The following PARD3B variants were observed in gnomAD, a reference collection of about 807,000 sequenced individuals.
PARD3B encodes partitioning defective 3 homolog B.
PARD3B carries 103 observed loss-of-function variants against 130.2 expected under a neutral mutation model. That is an observed-to-expected ratio of 0.79 (90% CI 0.67 to 0.93). The LOEUF (loss-of-function observed/expected upper bound fraction) is 0.93. Among genes scored for constraint, PARD3B ranks in the 40% least tolerant of loss-of-function variants. The pLI, the probability that PARD3B is intolerant of heterozygous loss-of-function variation, is 0.00. For synonymous variants in PARD3B, 583 were observed against 553.2 expected (o/e 1.05, Z -0.76); for missense variants, 1,609 against 1,499.2 (o/e 1.07, Z -1.21).
intron 14 of PARD3B, among the ~76,000 whole-genome samples, chr2:205,189,357 T>C (rs2036269715): frequency 6.6e-6 from 1 of 152,232 alleles, no homozygotes; most frequent in Middle Eastern, 3.2e-3. Context: ...ACATTCCTGG[T>C]TTGTCACCAT....
intron 3 of PARD3B, among the ~76,000 whole-genome samples, chr2:204,991,842 T>A (rs1354252382): frequency 1.3e-5 from 2 of 151,646 alleles, no homozygotes; most frequent in Non-Finnish European, 2.9e-5. Flanking sequence ...GATGAGCATT[T>A]TTTCATGCGT....
chr2:205,602,986 G>A (rs185175173), intron 22 of PARD3B, among the ~76,000 whole-genome samples: 76 of 152,082 alleles, frequency 5.0e-4, no homozygotes, highest in Non-Finnish European at 8.7e-4. Context: ...TAGCTTTTTG[G>A]TGTGGGCATT....
intron 16 of PARD3B, among the ~76,000 whole-genome samples, chr2:205,254,835 T>C (rs2040007223): frequency 6.6e-6 from 1 of 151,380 alleles, no homozygotes; most frequent in Admixed American, 6.6e-5. Context: ...CGGCTAATTT[T>C]TTGTATTTTT....
chr2:205,185,893 T>C, intron 14 of PARD3B, 30 bp downstream of exon 14: 1 of 1,554,814 alleles, frequency 6.4e-7, no homozygotes, highest in Non-Finnish European at 8.9e-7. Context: ...TCGTAAATGC[T>C]CCTTGTTATT....
At chr2:205,003,052 G>A (rs963118762) in intron 3 of PARD3B, among the ~76,000 whole-genome samples, 6 of 152,170 alleles carry the variant, frequency 3.9e-5, no homozygotes, top group African/African-American at 1.4e-4. Flanking sequence ...TAGAAGCTCT[G>A]GCAGAGAATC....
rs1002190788 is a variant in PARD3B at position 205,125,620 on chromosome 2, A to C, written c.1317A>C (p.Arg439Ser). The C allele has an allele frequency of 6.2e-7, 1 of 1,613,948 alleles. No homozygotes were observed. Among genetic ancestry groups the C allele is most frequent in the Non-Finnish European group, 8.5e-7 (1 of 1,179,952 alleles). The change falls in exon 10 of 23, where the codon AGA (arginine) becomes AGC (serine). Residue 439 changes from arginine (R) to serine (S), a missense_variant. Coordinates refer to ENST00000406610, the MANE Select transcript of PARD3B (RefSeq NM_001302769.2). This position sits in a 1 kb window ranked among gnomAD's most constrained non-coding sequence, Gnocchi z 4.0. The stretch of plus-strand genomic sequence containing the variant: ...CTTTTATTCATTAGGTAAATGGGAG[A>C]GATGTCACCGGACGAACCCAGGAAG... ...SGDRILEVNGRDVTGRTQEEL... is the reference protein window; with the variant it reads ...SGDRILEVNGSDVTGRTQEEL...
intron 1 of PARD3B, among the ~76,000 whole-genome samples, chr2:204,613,969 C>T (rs1295274663): frequency 1.2e-4 from 18 of 151,946 alleles, no homozygotes; most frequent in Admixed American, 1.1e-3. Flanking sequence ...GTCTGTCCTT[C>T]GTGATTGGTG....
At chr2:204,998,358 A>ATATATATATATATATATATATATG (rs1400529301) in intron 3 of PARD3B, among the ~76,000 whole-genome samples, 1 of 69,830 alleles carries the variant, frequency 1.4e-5, no homozygotes, top group Non-Finnish European at 2.6e-5. Flanking sequence ...ATATATATAT[A>ATATATATATATATATATATATATG]TGTGTGTGTG....
At position 205,091,689 on chromosome 2, in the gene PARD3B, A is replaced by G. The variant is rs976429769; in HGVS notation, c.505-12737A>G. 2.6e-5 allele frequency among the ~76,000 whole-genome samples: 4 copies of G among 152,146 alleles called. No individual in the cohort carries two copies. The highest frequency in any genetic ancestry group is 5.9e-5 in the Non-Finnish European group (4 of 68,022). On this transcript the variant is annotated intron_variant, in intron 4 of 22. Transcript: ENST00000406610. The surrounding 1 kb of genome is among the most constrained non-coding windows in gnomAD (Gnocchi z 4.2). ...ACTTGGAATGGGGGTGAGGTTAGAG[A>G]AAGAATAGCAGTGTGTTTGGGATCT...
intron 2 of PARD3B, among the ~76,000 whole-genome samples, chr2:204,786,200 C>T (rs555836235): frequency 4.0e-5 from 6 of 151,354 alleles, no homozygotes; most frequent in East Asian, 1.9e-4. Flanking sequence ...CATATGAGGA[C>T]GAGGTTATGC....
chr2:205,380,175 A>AAAGAATATATATT (rs2045269103), intron 18 of PARD3B, among the ~76,000 whole-genome samples: 2 of 36,742 alleles, frequency 5.4e-5, no homozygotes, highest in Non-Finnish European at 1.6e-4. Flanking sequence ...TATATTATAT[A>AAAGAATATATATT]ATATGTAAAG....
intron 2 of PARD3B, among the ~76,000 whole-genome samples, chr2:204,702,086 A>G (rs1462497137): frequency 6.6e-6 from 1 of 152,082 alleles, no homozygotes; most frequent in African/African-American, 2.4e-5. Context: ...ATTCTTTTTT[A>G]TGGCTGCGTA....
intron 3 of PARD3B, among the ~76,000 whole-genome samples, chr2:204,986,485 C>T (rs1432028472): frequency 1.3e-5 from 2 of 152,166 alleles, no homozygotes; most frequent in African/African-American, 4.8e-5. Flanking sequence ...CTCTTAAATC[C>T]ACTTTTGTAA....
chr2:205,477,464 G>A (rs779662754), intron 20 of PARD3B, among the ~76,000 whole-genome samples: 2 of 152,072 alleles, frequency 1.3e-5, no homozygotes, highest in Non-Finnish European at 2.9e-5. Context: ...GTGCAGTTGT[G>A]GAATATGTCT....
chr2:204,759,084 G>T (rs2040793832), intron 2 of PARD3B, among the ~76,000 whole-genome samples: 1 of 151,988 alleles, frequency 6.6e-6, no homozygotes, highest in Non-Finnish European at 1.5e-5. Context: ...AAGCTATCAG[G>T]CACTTTTTCC....
intron 22 of PARD3B, among the ~76,000 whole-genome samples, chr2:205,565,659 G>C (rs2053299498): frequency 6.6e-6 from 1 of 152,126 alleles, no homozygotes; most frequent in South Asian, 2.1e-4. Context: ...AAATGAAACA[G>C]TTCAGTCAGA....
In PARD3B at chr2:205,575,217, CTG is replaced by C. The variant is rs2106557050; in HGVS notation, c.3260+21816_3260+21817del. On this transcript the variant is annotated intron_variant, in intron 22 of 22. Coordinates refer to ENST00000406610, the MANE Select transcript of PARD3B (RefSeq NM_001302769.2). This position sits in a 1 kb window ranked among gnomAD's most constrained non-coding sequence, Gnocchi z 4.6. ...CAATATAGATAGATACACATACACA[CTG>C]TTTTTAGTGCAGTTTCAGGTTCACA... 6.6e-6 allele frequency among the ~76,000 whole-genome samples: 1 copy of C among 152,122 alleles called. No homozygotes were observed. Among genetic ancestry groups the C allele is most frequent in the African/African-American group, 2.4e-5 (1 of 41,488 alleles).
chr2:205,533,942 C>T (rs2051719527), intron 21 of PARD3B, among the ~76,000 whole-genome samples: 1 of 151,938 alleles, frequency 6.6e-6, no homozygotes, highest in South Asian at 2.1e-4. Context: ...CAGCCAGCCA[C>T]CTCTAATAGA....
chr2:205,488,491 T>C (rs763389622), intron 20 of PARD3B, among the ~76,000 whole-genome samples: 10 of 152,150 alleles, frequency 6.6e-5, no homozygotes, highest in Admixed American at 2.0e-4. Flanking sequence ...GCCTGGGGGT[T>C]GGTGACCTCT....
Sources: allele counts gnomAD v4.1 joint callset (sites outside exome capture counted in the v4.1 genomes callset), GRCh38; gene constraint gnomAD v4.1.1; non-coding constraint Gnocchi (gnomAD v3.1); transcripts MANE v1.5; gene names NCBI Gene and HGNC (gene_info 2026-07-23, HGNC 2026-07-21).